Variants in DLG2 observed in about 807,000 individuals in gnomAD.
The protein encoded by DLG2 is disks large homolog 2.
DLG2 carries 45 observed loss-of-function variants against 132.5 expected under a neutral mutation model. That is an observed-to-expected ratio of 0.34 (90% CI 0.27 to 0.44). DLG2 has a LOEUF of 0.44. Ranked by LOEUF, DLG2 falls within the 20% of genes least tolerant of loss-of-function variation. The pLI is 1.00. For synonymous variants in DLG2, 424 were observed against 419.6 expected, an observed-to-expected ratio of 1.01 and a Z score of -0.13; for missense variants, 1,045 against 1,196.9, an observed-to-expected ratio of 0.87 and a Z score of 1.87.
intron 6 of DLG2, among the ~76,000 whole-genome samples, chr11:84,833,985 A>G (rs565543854): frequency 2.6e-5 from 4 of 151,440 alleles, no homozygotes; most frequent in Non-Finnish European, 5.9e-5. Flanking sequence ...GGCAATTTAC[A>G]CTCCTTACAA....
At chr11:83,793,273 G>A (rs1402303144) in intron 17 of DLG2, among the ~76,000 whole-genome samples, 1 of 152,054 alleles carries the variant, frequency 6.6e-6, no homozygotes, top group Non-Finnish European at 1.5e-5. Flanking sequence ...TAGATAGAGT[G>A]AATTTTTAAA....
At chr11:84,969,151 C>T (rs5026716) in intron 6 of DLG2, among the ~76,000 whole-genome samples, 2,980 of 151,774 alleles carry the variant, frequency 0.02, 54 homozygotes, top group Admixed American at 0.042. Flanking sequence ...CCCATAATAC[C>T]TTAATAACAT....
intron 8 of DLG2, among the ~76,000 whole-genome samples, chr11:84,221,040 G>A (rs1429089739): frequency 6.6e-6 from 1 of 150,958 alleles, no homozygotes; most frequent in African/African-American, 2.4e-5. Context: ...CTGGGCTGAA[G>A]TGATCCACCT....
intron 8 of DLG2, among the ~76,000 whole-genome samples, chr11:84,238,178 G>A (rs2097183341): frequency 6.6e-6 from 1 of 151,928 alleles, no homozygotes; most frequent in African/African-American, 2.4e-5. Flanking sequence ...TTATCCCTCA[G>A]GAACTGGCCC....
At chr11:83,867,116 C>T (rs1009838325) in intron 16 of DLG2, among the ~76,000 whole-genome samples, 1 of 152,150 alleles carries the variant, frequency 6.6e-6, no homozygotes, top group Non-Finnish European at 1.5e-5. Context: ...ATATTGAGCT[C>T]TACTTTGTAT....
At chr11:83,850,850 C>T (rs576813616) in intron 16 of DLG2, among the ~76,000 whole-genome samples, 28 of 152,298 alleles carry the variant, frequency 1.8e-4, no homozygotes, top group Middle Eastern at 3.4e-3. Context: ...TTACACTCTG[C>T]ATTATGTGTT....
At chr11:83,957,084 G>T (rs1193767710) in intron 14 of DLG2, among the ~76,000 whole-genome samples, 1 of 152,178 alleles carries the variant, frequency 6.6e-6, no homozygotes, top group Non-Finnish European at 1.5e-5. Context: ...AAGCTTTTGT[G>T]ATAAAATATA....
chr11:83,536,565 GTT>G (rs71066048), intron 20 of DLG2, among the ~76,000 whole-genome samples: 3,078 of 142,298 alleles, frequency 0.022, 102 homozygotes, highest in African/African-American at 0.073. Flanking sequence ...ATAACGTGGT[GTT>G]TTTTTTTTTT....
chr11:84,099,561 C>T (rs1048013190), intron 9 of DLG2, among the ~76,000 whole-genome samples: 1 of 151,492 alleles, frequency 6.6e-6, no homozygotes, highest in Non-Finnish European at 1.5e-5. Context: ...AGACAAGGCC[C>T]CCTTCTAGAA....
intron 8 of DLG2, among the ~76,000 whole-genome samples, chr11:84,203,496 G>A (rs2096623651): frequency 1.3e-5 from 2 of 148,738 alleles, no homozygotes; most frequent in South Asian, 2.1e-4. Flanking sequence ...GCAGGAGAAT[G>A]GCGTGAACCC....
At chr11:84,756,238 A>G (rs1258302752) in intron 6 of DLG2, among the ~76,000 whole-genome samples, 5 of 152,228 alleles carry the variant, frequency 3.3e-5, no homozygotes, top group African/African-American at 1.2e-4. Flanking sequence ...TTGTTATAGC[A>G]GCGTAGGAGA....
At chr11:84,048,147 T>TTAATGA (rs2096277548) in intron 11 of DLG2, among the ~76,000 whole-genome samples, 1 of 150,802 alleles carries the variant, frequency 6.6e-6, no homozygotes, top group South Asian at 2.1e-4. Context: ...TGTCCTTCAT[T>TTAATGA]TAATAATAAT....
intron 3 of DLG2, among the ~76,000 whole-genome samples, chr11:85,385,960 G>A (rs538314521): frequency 2.6e-5 from 4 of 152,254 alleles, no homozygotes; most frequent in African/African-American, 7.2e-5. Flanking sequence ...ATTAGTTGAC[G>A]ATTCCCTGAG....
intron 4 of DLG2, among the ~76,000 whole-genome samples, chr11:85,241,842 C>T (rs975334988): frequency 6.6e-6 from 1 of 151,920 alleles, no homozygotes; most frequent in African/African-American, 2.4e-5. Context: ...AGTTCCCCCA[C>T]ATAGGTTTGG....
intron 6 of DLG2, among the ~76,000 whole-genome samples, chr11:84,595,580 G>A (rs1191986622): frequency 2.6e-5 from 4 of 152,056 alleles, no homozygotes; most frequent in African/African-American, 9.7e-5. Context: ...ACAGACACCA[G>A]GAACTTCCTG....
intron 3 of DLG2, among the ~76,000 whole-genome samples, chr11:85,423,202 T>C (rs2090454639): frequency 6.6e-6 from 1 of 152,194 alleles, no homozygotes; most frequent in African/African-American, 2.4e-5. Context: ...GTAGTGACTA[T>C]TATCACTCTT....
intron 6 of DLG2, among the ~76,000 whole-genome samples, chr11:85,092,269 C>T (rs972740531): frequency 2.7e-4 from 41 of 152,016 alleles, no homozygotes; most frequent in African/African-American, 8.5e-4. Flanking sequence ...TTCAGAAAAC[C>T]AGGTTTTGGT....
At chr11:84,052,182 C>T (rs1331048429) in intron 11 of DLG2, among the ~76,000 whole-genome samples, 1 of 151,808 alleles carries the variant, frequency 6.6e-6, no homozygotes, top group Non-Finnish European at 1.5e-5. Context: ...AGTTATATGA[C>T]ACATCATAAC....
chr11:83,744,549 C>G (rs1261648359), intron 18 of DLG2, among the ~76,000 whole-genome samples: 1 of 152,198 alleles, frequency 6.6e-6, no homozygotes, highest in East Asian at 1.9e-4. Context: ...CATATATTCA[C>G]TTTACGTAGC....
Sources: allele counts gnomAD v4.1 joint callset (sites outside exome capture counted in the v4.1 genomes callset), GRCh38; gene constraint gnomAD v4.1.1; transcripts MANE v1.5; gene names NCBI Gene and HGNC (gene_info 2026-07-23, HGNC 2026-07-21).